Variants in EML1 observed in about 807,000 individuals in gnomAD.
The protein encoded by EML1 is echinoderm microtubule-associated protein-like 1.
In EML1, 27 loss-of-function variants were observed where a neutral mutation model predicts 110.4. The observed-to-expected ratio is 0.24, with a 90% CI of 0.18 to 0.34. The LOEUF (loss-of-function observed/expected upper bound fraction) is 0.34, where lower values mean the gene tolerates loss of function less well. EML1 is among the 10% of genes least tolerant of loss of function. The pLI is 1.00. For missense variants in EML1, 741 were observed against 1,030.9 expected (o/e 0.72, Z 3.85); for synonymous variants, 344 against 385.8 (o/e 0.89, Z 1.27).
intron 3 of EML1, chr14:99,874,925 A>G (rs1173638308): frequency 2.5e-6 from 4 of 1,611,408 alleles, no homozygotes; most frequent in East Asian, 2.2e-5. Flanking sequence ...TGCCTCTTAT[A>G]TGTAGATTAA....
chr14:99,907,729 T>C lies in EML1; in HGVS notation c.1100T>C (p.Val367Ala), dbSNP rs1285364591. The change falls in exon 10 of 22, where the codon GTG (valine) becomes GCG (alanine). Residue 367 changes from valine (V) to alanine (A), a missense_variant. Coordinates refer to ENST00000262233, the MANE Select transcript of EML1 (RefSeq NM_004434.3). The stretch of plus-strand genomic sequence containing the variant: ...CAGAAAGAAGAAAAACTAGCAGATG[T>C]GAAGGTCATGCTCCAAGCCTTTTTT... ...DWQKEEKLAD[V>A]KCSNEAVFAA... 6.2e-7 allele frequency: 1 copy of C among 1,614,024 alleles called. No individual in the cohort carries two copies. The highest frequency in any genetic ancestry group is 8.5e-7 in the Non-Finnish European group (1 of 1,180,012).
intron 1 of EML1, among the ~76,000 whole-genome samples, chr14:99,767,406 A>G (rs115361785): frequency 0.021 from 3,166 of 152,358 alleles, 115 homozygotes; most frequent in African/African-American, 0.072. Flanking sequence ...TATGGCGACC[A>G]TCCTGGCCAA....
At chr14:99,839,112 C>G (rs1171793953) in intron 1 of EML1, 2 of 152,032 alleles carry the variant, frequency 1.3e-5, no homozygotes, top group Non-Finnish European at 2.9e-5. Context: ...TAGAGAATTT[C>G]AATGGCCAGT....
At chr14:99,768,036 A>G (rs761876921), upstream of EML1, among the ~76,000 whole-genome samples, 11 of 152,198 alleles carry the variant, frequency 7.2e-5, no homozygotes, top group Non-Finnish European at 1.3e-4. Context: ...TGGTGGGCAC[A>G]GGGTAAATCA....
chr14:99,781,464 C>T lies in EML1; in HGVS notation c.-27+7451C>T, dbSNP rs143564153. ...ATCCTCTCTTGGCTTCTTCTGCATCCGCAGTGTGGTCTGGCGGGCCAGTTC... is the reference window on the plus strand; with the variant it reads ...ATCCTCTCTTGGCTTCTTCTGCATCTGCAGTGTGGTCTGGCGGGCCAGTTC... On this transcript the variant is annotated intron_variant, in intron 1 of 22. Coordinates refer to the EML1 transcript ENST00000327921. The surrounding 1 kb of genome is among the most constrained non-coding windows in gnomAD (Gnocchi z 4.2). 4.8e-3 allele frequency among the ~76,000 whole-genome samples: 729 copies of T among 152,326 alleles called. 3 individuals are homozygous for T. The highest frequency in any genetic ancestry group is 8.3e-3 in the Non-Finnish European group (565 of 68,034).
intron 1 of EML1, among the ~76,000 whole-genome samples, chr14:99,765,875 A>C (rs1235557516): frequency 6.6e-6 from 1 of 152,194 alleles, no homozygotes; most frequent in Non-Finnish European, 1.5e-5. Flanking sequence ...AAGTGCTGGA[A>C]TTACAGGCAT....
At chr14:99,874,161 CTGTT>C (rs2059250652) in intron 3 of EML1, among the ~76,000 whole-genome samples, 1 of 152,172 alleles carries the variant, frequency 6.6e-6, no homozygotes, top group Non-Finnish European at 1.5e-5. Flanking sequence ...AGAAAGACAT[CTGTT>C]TTTCTTATGG....
intron 1 of EML1, among the ~76,000 whole-genome samples, chr14:99,783,389 C>T (rs534390845): frequency 1.4e-3 from 208 of 152,012 alleles, no homozygotes; most frequent in African/African-American, 4.8e-3. Context: ...TCCAGTCTAT[C>T]ATTGATGGAC....
At chr14:99,877,561 G>C (rs2059313242) in intron 3 of EML1, among the ~76,000 whole-genome samples, 1 of 152,180 alleles carries the variant, frequency 6.6e-6, no homozygotes, top group Admixed American at 6.5e-5. Flanking sequence ...TCCCCAGGCT[G>C]CCTTCCCAGG....
upstream of EML1, chr14:99,793,272 C>G (rs2140231484): frequency 4.2e-6 from 4 of 951,598 alleles, no homozygotes; most frequent in Non-Finnish European, 5.0e-6. Flanking sequence ...CGAGGCCGCC[C>G]CCTCGCGGGC....
At chr14:99,793,189 A>C (rs2057699791), upstream of EML1, 2 of 300,384 alleles carry the variant, frequency 6.7e-6, no homozygotes, top group Non-Finnish European at 9.7e-6. Flanking sequence ...CCCGCGGGGA[A>C]AGAGGCCGCA....
At chr14:99,763,371 G>A (rs2057335205) in intron 1 of EML1, among the ~76,000 whole-genome samples, 1 of 152,170 alleles carries the variant, frequency 6.6e-6, no homozygotes, top group African/African-American at 2.4e-5. Context: ...GGAGCTGTAT[G>A]AGTAGACATG....
Position 99,940,056 on chromosome 14 carries a change from C to T in EML1, c.2392C>T (p.His798Tyr), listed in dbSNP as rs781052964. 5 of 1,602,482 alleles carry T rather than the reference C, an allele frequency of 3.1e-6. No homozygotes were observed. The highest frequency in any genetic ancestry group is 1.3e-5 in the African/African-American group (1 of 74,256). ...TNVDFLCEDS[H>Y]LISTGGKDTS... is the part of the protein sequence containing the mutation. ...TGTCGATTTCCTCTGTGAAGACAGC[C>T]ACCTCATCTCCACGGGCGGGAAAGA... Residue 798 changes from histidine (H) to tyrosine (Y), a missense_variant, in exon 22 of 22, where the codon CAC becomes TAC. This residue lies in a region of EML1 where 114 missense variants were observed against 122.5 expected (regional missense o/e 0.93). Transcript: ENST00000262233.
chr14:99,878,386 A>G, intron 3 of EML1, 99 bp from the exon 4 acceptor site: 1 of 1,482,630 alleles, frequency 6.7e-7, no homozygotes. Flanking sequence ...TTGAATATCC[A>G]TGTGGAAGTA....
Position 99,877,793 on chromosome 14 carries a change from G to A in EML1, c.384-692G>A, listed in dbSNP as rs373083765. On this transcript the variant is annotated intron_variant, in intron 3 of 21. Coordinates refer to ENST00000262233, the MANE Select transcript of EML1 (RefSeq NM_004434.3). ...GCTACTTTGTGGAGTGAGCCATCCC[G>A]GGCCATGCAGGATTTCTAGCCGCAC... Among the ~76,000 whole-genome samples, 26 of 152,270 alleles carry A rather than the reference G, an allele frequency of 1.7e-4. No homozygotes were observed. The East Asian group carries it at 4.8e-3, about 28-fold the overall frequency.
chr14:99,787,348 G>C (rs1474985488), intron 1 of EML1, among the ~76,000 whole-genome samples: 1 of 143,028 alleles, frequency 7.0e-6, no homozygotes, highest in South Asian at 2.2e-4. Flanking sequence ...ATCTTGGCTC[G>C]GCTCACTGCA....
At chr14:99,858,383 C>G (rs1282754173) in intron 2 of EML1, among the ~76,000 whole-genome samples, 1 of 152,060 alleles carries the variant, frequency 6.6e-6, no homozygotes, top group Non-Finnish European at 1.5e-5. Context: ...CGGGTTTTCT[C>G]CATGTTGGTC....
chr14:99,920,199 G>A (rs2060106483), intron 16 of EML1, among the ~76,000 whole-genome samples: 1 of 152,170 alleles, frequency 6.6e-6, no homozygotes. Flanking sequence ...TCTCACCACT[G>A]AGGAAATGGC....
intron 1 of EML1, among the ~76,000 whole-genome samples, chr14:99,806,653 C>G (rs2057981905): frequency 6.6e-6 from 1 of 151,970 alleles, no homozygotes; most frequent in Admixed American, 6.6e-5. Context: ...TGCTCCTTCC[C>G]CCAAGCAAGA....
Sources: gnomAD v4.1 joint callset for allele counts (sites outside exome capture counted in the v4.1 genomes callset) on GRCh38, gnomAD v4.1.1 for gene constraint, gnomAD v4.1.1 regional missense constraint, Gnocchi (gnomAD v3.1) non-coding constraint, MANE v1.5 for transcripts, NCBI Gene and HGNC (gene_info 2026-07-23, HGNC 2026-07-21) for gene names.